The following KIAA0319 variants were observed in gnomAD, a reference collection of about 807,000 sequenced individuals.
The protein encoded by KIAA0319 is KIAA0319, also known as dyslexia-associated protein KIAA0319.
In KIAA0319, 83 loss-of-function variants were observed where a neutral mutation model predicts 108.4. That is an observed-to-expected ratio of 0.77 (90% CI 0.64 to 0.92). The LOEUF (loss-of-function observed/expected upper bound fraction) is 0.92, where lower values mean the gene tolerates loss of function less well. Among genes scored for constraint, KIAA0319 ranks in the 40% least tolerant of loss-of-function variants. The pLI, the probability that KIAA0319 is intolerant of heterozygous loss-of-function variation, is 0.00. For missense variants in KIAA0319, 1,195 were observed against 1,322.4 expected (o/e 0.90, Z 1.49); for synonymous variants, 484 against 510.4 (o/e 0.95, Z 0.70).
chr6:24,575,635 A>C (rs1055361639), intron 10 of KIAA0319, among the ~76,000 whole-genome samples: 14 of 152,232 alleles, frequency 9.2e-5, no homozygotes, highest in Admixed American at 2.6e-4. Context: ...AAAGCAGGTA[A>C]GTTTCCATGG....
At chr6:24,588,819 A>T (rs774324993) in intron 3 of KIAA0319, 34 bp from the exon 4 acceptor site, 14 of 1,367,982 alleles carry the variant, frequency 1.0e-5, no homozygotes, top group South Asian at 1.3e-5. Flanking sequence ...AATTGTTATT[A>T]AAAAAAAAAC....
At chr6:24,619,248 T>C (rs2127567166) in intron 1 of KIAA0319, among the ~76,000 whole-genome samples, 1 of 152,144 alleles carries the variant, frequency 6.6e-6, no homozygotes, top group South Asian at 2.1e-4. Flanking sequence ...AAAGAGAGTA[T>C]AGCAATCAAA....
At chr6:24,561,820 A>G (rs1192185059) in intron 16 of KIAA0319, among the ~76,000 whole-genome samples, 1 of 152,108 alleles carries the variant, frequency 6.6e-6, no homozygotes, top group African/African-American at 2.4e-5. Flanking sequence ...ATCCTGCCTC[A>G]GCCTCTTGAG....
intron 1 of KIAA0319, among the ~76,000 whole-genome samples, chr6:24,622,036 G>A (rs1051505041): frequency 8.5e-5 from 13 of 152,194 alleles, no homozygotes; most frequent in Non-Finnish European, 1.5e-4. Context: ...CAGAGTCTGC[G>A]AATGCACAGC....
rs766278151 is a variant in KIAA0319 at position 24,563,367 on chromosome 6, C to T, written c.2583G>A (p.Ser861=). ...DIKVQKIRAH[S]DLSTVIVFYV... Reference sequence around the variant, plus strand: ...GAGTGTGCAGCTCCTACCTGAGATCCGAGTGGGCCCGAATCTTCTGGACCT... The same window carrying T: ...GAGTGTGCAGCTCCTACCTGAGATCTGAGTGGGCCCGAATCTTCTGGACCT... The change falls in exon 16 of 21, where the codon TCG becomes TCA. Residue 861 remains serine, a synonymous_variant. Transcript: ENST00000378214. 3.7e-6 allele frequency: 6 copies of T among 1,612,014 alleles called. No homozygotes were observed. The highest frequency in any genetic ancestry group is 3.3e-5 in the South Asian group (3 of 90,546).
chr6:24,547,481 C>T (rs1341887041), intron 20 of KIAA0319, 138 bp from the exon 21 acceptor site: 14 of 705,368 alleles, frequency 2.0e-5, no homozygotes, highest in Admixed American at 1.4e-4. Flanking sequence ...AAACAGCAGG[C>T]GGTTTGGGTT....
intron 18 of KIAA0319, among the ~76,000 whole-genome samples, chr6:24,555,221 G>A (rs571326601): frequency 6.6e-6 from 1 of 152,296 alleles, no homozygotes; most frequent in South Asian, 2.1e-4. Context: ...ATTAGGCAGG[G>A]TGCGGTGGCT....
intron 2 of KIAA0319, chr6:24,598,325 TCAA>T (rs1417831624): frequency 3.0e-6 from 2 of 677,678 alleles, no homozygotes; most frequent in Admixed American, 1.9e-5. Flanking sequence ...ATCAAGACCA[TCAA>T]CAACAAGTTT....
intron 1 of KIAA0319, among the ~76,000 whole-genome samples, chr6:24,636,774 T>G (rs980162284): frequency 1.3e-5 from 2 of 152,208 alleles, no homozygotes; most frequent in Non-Finnish European, 2.9e-5. Flanking sequence ...TATGCTCTTA[T>G]TTATTTTCCT....
In KIAA0319 at chr6:24,588,769, TG is replaced by T; in HGVS notation, c.817del (p.His273IlefsTer60). 6.2e-7 allele frequency: 1 copy of T among 1,613,708 alleles called. No individual in the cohort carries two copies. Among genetic ancestry groups the T allele is most frequent in the Non-Finnish European group, 8.5e-7 (1 of 1,179,894 alleles). On this transcript the variant is annotated frameshift_variant, in exon 4 of 21. Transcript: ENST00000378214. LOFTEE classifies it high-confidence loss of function. ...CTCCAGGCTTGCCGGAGGAAGACTATGGGAAGGCATTAGAACCTACGAGATC... is the reference window on the plus strand; with the variant it reads ...CTCCAGGCTTGCCGGAGGAAGACTATGGAAGGCATTAGAACCTACGAGATC... ...SSGKEVLMPS[H>X]SLPPASLELS...
intron 9 of KIAA0319, among the ~76,000 whole-genome samples, chr6:24,577,209 C>G (rs1237008347): frequency 1.3e-5 from 2 of 152,116 alleles, no homozygotes; most frequent in Admixed American, 1.3e-4. Flanking sequence ...CATCCTCACC[C>G]AACACAGATG....
Position 24,599,434 on chromosome 6 carries a change from A to T in KIAA0319, c.55+1615T>A. The T allele has an allele frequency of 1.8e-6, 1 of 554,102 alleles. No homozygotes were observed. Among genetic ancestry groups the T allele is most frequent in the Non-Finnish European group, 3.5e-6 (1 of 287,590 alleles). 34.3% of individuals were successfully genotyped at this position (554,102 alleles called of 1,614,324 possible). ...CTGTCCAAGCTGGAGGCCACCCTGC[A>T]GTGGGCCATGCAGGACATGGCATGG... On this transcript the variant is annotated intron_variant, in intron 2 of 20. Coordinates refer to ENST00000378214, the MANE Select transcript of KIAA0319 (RefSeq NM_014809.4). This position sits in a 1 kb window ranked among gnomAD's most constrained non-coding sequence, Gnocchi z 4.1.
At chr6:24,550,582 T>C (rs568327951) in intron 20 of KIAA0319, among the ~76,000 whole-genome samples, 3 of 152,322 alleles carry the variant, frequency 2.0e-5, no homozygotes, top group African/African-American at 7.2e-5. Flanking sequence ...AGAAAGTCAA[T>C]TTTCTGTAAA....
rs1763920183 is a variant in KIAA0319, at chr6:24,566,535, C to T, written c.2292+62G>A. 6 of 1,431,072 alleles carry T rather than the reference C, an allele frequency of 4.2e-6. No individual in the cohort carries two copies. In the East Asian group the frequency reaches 9.5e-5, roughly 23 times the overall value. 88.6% of individuals were successfully genotyped at this position (1,431,072 alleles called of 1,614,324 possible). A position where few individuals can be genotyped will look rare whatever the true frequency, so the allele number is the denominator to read the frequency against. ...ATACCGTGATATATTGTTTGCAGCC[C>T]AAGCTGACTAATGCAGATGTAATGA... On this transcript the variant is annotated intron_variant, in intron 14 of 20. Transcript: ENST00000378214.
At chr6:24,567,389 C>T (rs1443180612) in intron 13 of KIAA0319, among the ~76,000 whole-genome samples, 5 of 152,232 alleles carry the variant, frequency 3.3e-5, no homozygotes, top group Middle Eastern at 3.4e-3. Flanking sequence ...CCTCACTTCT[C>T]TGACTAGGTG....
At chr6:24,639,818 G>A (rs1055017497) in intron 1 of KIAA0319, among the ~76,000 whole-genome samples, 9 of 146,586 alleles carry the variant, frequency 6.1e-5, no homozygotes, top group Non-Finnish European at 8.9e-5. Flanking sequence ...TTTCACTCCA[G>A]TCTGGGTGAC....
intron 20 of KIAA0319, among the ~76,000 whole-genome samples, chr6:24,547,714 A>G (rs956754006): frequency 6.6e-6 from 1 of 152,248 alleles, no homozygotes; most frequent in Admixed American, 6.5e-5. Context: ...CCTTTAGTAC[A>G]TTGTAAGCAT....
At chr6:24,615,960 T>C (rs530816887) in intron 1 of KIAA0319, among the ~76,000 whole-genome samples, 2 of 152,308 alleles carry the variant, frequency 1.3e-5, no homozygotes, top group South Asian at 2.1e-4. Flanking sequence ...AAAAATATTA[T>C]CAGAAATATG....
intron 1 of KIAA0319, among the ~76,000 whole-genome samples, chr6:24,615,380 C>T (rs1230593642): frequency 1.3e-5 from 2 of 151,538 alleles, no homozygotes; most frequent in African/African-American, 2.4e-5. Flanking sequence ...AGTAAGCTAC[C>T]TTTATGAAGA....
Sources: allele counts gnomAD v4.1 joint callset (sites outside exome capture counted in the v4.1 genomes callset), GRCh38; gene constraint gnomAD v4.1.1; non-coding constraint Gnocchi (gnomAD v3.1); transcripts MANE v1.5; gene names NCBI Gene and HGNC (gene_info 2026-07-23, HGNC 2026-07-21).